Variants in PMEPA1 observed in about 807,000 individuals in gnomAD.
PMEPA1 encodes protein TMEPAI.
A neutral mutation model predicts 23.0 loss-of-function variants in PMEPA1; 11 were observed. The ratio of observed to expected loss-of-function variants is 0.48; its 90% CI spans 0.30 to 0.79. PMEPA1 has a LOEUF of 0.79. Ranked by LOEUF, PMEPA1 falls within the 30% of genes least tolerant of loss-of-function variation. The pLI is 0.06. For missense variants in PMEPA1, 377 were observed against 390.9 expected (o/e 0.96, Z 0.30); for synonymous variants, 204 against 166.4 (o/e 1.23, Z -1.74).
At chr20:57,671,761 C>T (rs768476363) in intron 1 of PMEPA1, among the ~76,000 whole-genome samples, 54 of 152,222 alleles carry the variant, frequency 3.5e-4, no homozygotes, top group Non-Finnish European at 2.9e-4. Flanking sequence ...ATTGTGGGGC[C>T]GTCCTAAGCA....
chr20:57,686,970 T>C (rs535867089), intron 1 of PMEPA1, among the ~76,000 whole-genome samples: 1 of 152,392 alleles, frequency 6.6e-6, no homozygotes, highest in South Asian at 2.1e-4. Context: ...TGATGGGCTA[T>C]GTCAGAGGAC....
chr20:57,673,664 A>C (rs565603649), intron 1 of PMEPA1, among the ~76,000 whole-genome samples: 1 of 152,156 alleles, frequency 6.6e-6, no homozygotes, highest in African/African-American at 2.4e-5. Flanking sequence ...TCCCAGCTAC[A>C]AGGAAAAGAG....
At chr20:57,689,185 G>C (rs934026420) in intron 1 of PMEPA1, among the ~76,000 whole-genome samples, 1 of 152,186 alleles carries the variant, frequency 6.6e-6, no homozygotes, top group African/African-American at 2.4e-5. Context: ...TCACTCGCTG[G>C]GCAGGCGGAG....
chr20:57,657,875 C>T (rs1248519882), intron 2 of PMEPA1, among the ~76,000 whole-genome samples: 1 of 152,242 alleles, frequency 6.6e-6, no homozygotes, highest in Non-Finnish European at 1.5e-5. Context: ...GTCCTCCCCA[C>T]ACCTGGTGAG....
rs1176914921 is a variant in PMEPA1, at chr20:57,659,523, T to C, written c.264+20A>G. ...CACTGCCGCACCCTCAGGCCACAGA[T>C]GGGATGGCGGGGCACTTACTGAGGA... is the stretch of plus-strand genomic sequence containing the variant. On this transcript the variant is annotated intron_variant, in intron 2 of 3. Transcript: ENST00000341744. The C allele has an allele frequency of 4.3e-6, 7 of 1,610,942 alleles. No individual in the cohort carries two copies. The highest frequency in any genetic ancestry group is 5.9e-6 in the Non-Finnish European group (7 of 1,177,884).
chr20:57,667,982 A>G (rs2071517740), intron 1 of PMEPA1, among the ~76,000 whole-genome samples: 1 of 152,140 alleles, frequency 6.6e-6, no homozygotes, highest in South Asian at 2.1e-4. Context: ...AAGACCTTTT[A>G]TGGGTAAAAA....
chr20:57,648,542 T>G lies in PMEPA1; in HGVS notation c.*3511A>C, dbSNP rs2071176541. 2 of 152,646 alleles carry G rather than the reference T, an allele frequency of 1.3e-5. No individual in the cohort carries two copies. The highest frequency in any genetic ancestry group is 4.8e-5 in the African/African-American group (2 of 41,446). The allele number at this position is 152,646 out of a possible 1,614,324, so 9.5% of individuals were successfully genotyped here. On this transcript the variant is annotated 3_prime_UTR_variant, in exon 4 of 4. Transcript: ENST00000341744. ...TACAGAGTCTTACGCAGCGGGGACG[T>G]GGGTGCGCGCCCCGCATGCCACGGA...
At chr20:57,660,980 CCA>C (rs146086905) in intron 1 of PMEPA1, among the ~76,000 whole-genome samples, 122 of 152,082 alleles carry the variant, frequency 8.0e-4, no homozygotes, top group African/African-American at 2.8e-3. Context: ...CCACACGTGC[CCA>C]CACACACACA....
chr20:57,669,938 G>A (rs1304629600), intron 1 of PMEPA1, among the ~76,000 whole-genome samples: 2 of 152,142 alleles, frequency 1.3e-5, no homozygotes, highest in Non-Finnish European at 2.9e-5. Context: ...CTCCCATAAC[G>A]AGGCTTCCCA....
chr20:57,691,386 C>T (rs914279513), intron 1 of PMEPA1, among the ~76,000 whole-genome samples: 1 of 152,266 alleles, frequency 6.6e-6, no homozygotes, highest in Non-Finnish European at 1.5e-5. Context: ...CTTGTGCAGG[C>T]TCTGAAAGAG....
chr20:57,680,595 C>T (rs947381146), intron 1 of PMEPA1, among the ~76,000 whole-genome samples: 2 of 152,224 alleles, frequency 1.3e-5, no homozygotes, highest in Non-Finnish European at 2.9e-5. Flanking sequence ...AGTGCTTGCT[C>T]AATAAACATT....
At chr20:57,691,033 C>T (rs1026927775) in intron 1 of PMEPA1, among the ~76,000 whole-genome samples, 3 of 152,186 alleles carry the variant, frequency 2.0e-5, no homozygotes, top group African/African-American at 4.8e-5. Flanking sequence ...ACCGGCCCCT[C>T]GGTCTTTTCC....
intron 1 of PMEPA1, among the ~76,000 whole-genome samples, chr20:57,693,942 T>C (rs1357229317): frequency 6.6e-6 from 1 of 152,212 alleles, no homozygotes; most frequent in Non-Finnish European, 1.5e-5. Flanking sequence ...TGGAGCCTCA[T>C]CACCAGCTGG....
intron 1 of PMEPA1, chr20:57,690,510 A>G: frequency 7.7e-7 from 1 of 1,299,006 alleles, no homozygotes; most frequent in African/African-American, 1.5e-5. Flanking sequence ...GAGCCATGCT[A>G]TTTTTATTGT....
intron 1 of PMEPA1, among the ~76,000 whole-genome samples, chr20:57,687,802 T>C (rs1370605514): frequency 3.3e-5 from 5 of 152,338 alleles, no homozygotes; most frequent in Non-Finnish European, 7.4e-5. Context: ...TACAGGGCCC[T>C]GCTCAGCCTG....
intron 2 of PMEPA1, among the ~76,000 whole-genome samples, chr20:57,657,833 G>A (rs1568962753): frequency 6.6e-6 from 1 of 152,208 alleles, no homozygotes; most frequent in Non-Finnish European, 1.5e-5. Context: ...CCAGAAGTGG[G>A]GAGGCCACAC....
intron 1 of PMEPA1, among the ~76,000 whole-genome samples, chr20:57,673,199 C>T (rs1488296513): frequency 2.0e-5 from 3 of 151,998 alleles, no homozygotes; most frequent in Non-Finnish European, 4.4e-5. Context: ...ACACCTTTGC[C>T]CGGGCTGGCC....
intron 2 of PMEPA1, among the ~76,000 whole-genome samples, chr20:57,654,336 G>A (rs1014181859): frequency 6.6e-6 from 1 of 152,166 alleles, no homozygotes; most frequent in African/African-American, 2.4e-5. Flanking sequence ...AAGATAATGA[G>A]TATGTCCATC....
intron 1 of PMEPA1, among the ~76,000 whole-genome samples, chr20:57,699,654 G>T (rs1219315127): frequency 6.6e-6 from 1 of 152,248 alleles, no homozygotes; most frequent in African/African-American, 2.4e-5. Context: ...GAGACCACTG[G>T]TGCTGAAAAC....
Sources: gnomAD v4.1 joint callset for allele counts (sites outside exome capture counted in the v4.1 genomes callset) on GRCh38, gnomAD v4.1.1 for gene constraint, MANE v1.5 for transcripts, NCBI Gene and HGNC (gene_info 2026-07-23, HGNC 2026-07-21) for gene names.